LMO1: variants seen among roughly 807,000 people sequenced by gnomAD.
LMO1 encodes LIM domain only 1.
LMO1 carries 10 observed loss-of-function variants against 18.0 expected under a neutral mutation model. The ratio of observed to expected loss-of-function variants is 0.55; its 90% confidence interval spans 0.34 to 0.94. The LOEUF (loss-of-function observed/expected upper bound fraction) is 0.94, where lower values mean the gene tolerates loss of function less well. Among genes scored for constraint, LMO1 ranks in the 40% least tolerant of loss-of-function variants. The pLI, the probability that LMO1 is intolerant of heterozygous loss-of-function variation, is 0.02. For missense variants in LMO1, 183 were observed against 205.7 expected, an observed-to-expected ratio of 0.89 and a Z score of 0.68; for synonymous variants, 77 against 77.9, an observed-to-expected ratio of 0.99 and a Z score of 0.06.
At chr11:8,231,334 C>T (rs886226292) in intron 1 of LMO1, among the ~76,000 whole-genome samples, 5 of 152,260 alleles carry the variant, frequency 3.3e-5, no homozygotes, top group Non-Finnish European at 5.9e-5. Flanking sequence ...AGCCTCCCGT[C>T]GCGGCAGGCG....
chr11:8,268,493 G>A, upstream of LMO1: 1 of 1,369,484 alleles, frequency 7.3e-7, no homozygotes. Context: ...ATACGGAGGG[G>A]CGCGTGGCTC....
At position 8,263,445 on chromosome 11, in the gene LMO1, G is replaced by A; in HGVS notation, c.-83C>T. ...GGGGCGCGCTTTGGAGGGGCGGCCGGTCTTCGGGCAGCTAGCGGGCTCTAA... is the reference window on the plus strand; with the variant it reads ...GGGGCGCGCTTTGGAGGGGCGGCCGATCTTCGGGCAGCTAGCGGGCTCTAA... On this transcript the variant is annotated 5_prime_UTR_variant, in exon 1 of 4. Transcript: ENST00000335790. 6.3e-7 allele frequency: 1 copy of A among 1,574,824 alleles called. No homozygotes were observed.
chr11:8,224,460 G>T lies in LMO1; in HGVS notation c.*156C>A. 7 of 606,408 alleles carry T rather than the reference G, an allele frequency of 1.2e-5. No individual in the cohort carries two copies. The highest frequency in any genetic ancestry group is 2.1e-5 in the Non-Finnish European group (7 of 339,476). 37.6% of individuals were successfully genotyped at this position (606,408 alleles called of 1,614,324 possible). ...TCACACACAGACGGGCGGTGGTGGA[G>T]GAGGAAGGGCCATCCCTCCCATCGA... On this transcript the variant is annotated 3_prime_UTR_variant, in exon 4 of 4. Transcript: ENST00000335790.
intron 1 of LMO1, among the ~76,000 whole-genome samples, chr11:8,253,250 C>G (rs1847035055): frequency 6.6e-6 from 1 of 152,220 alleles, no homozygotes; most frequent in Non-Finnish European, 1.5e-5. Context: ...GCTGGGAACT[C>G]CAGGCCTGTC....
chr11:8,243,851 AG>A (rs1846840680), intron 1 of LMO1, among the ~76,000 whole-genome samples: 1 of 152,222 alleles, frequency 6.6e-6, no homozygotes, highest in South Asian at 2.1e-4. Context: ...CTTCGGCTGC[AG>A]CCCCCCACTC....
At chr11:8,253,090 G>T (rs987894518) in intron 1 of LMO1, among the ~76,000 whole-genome samples, 1 of 152,208 alleles carries the variant, frequency 6.6e-6, no homozygotes, top group Non-Finnish European at 1.5e-5. Context: ...GTGTTTCGAG[G>T]AGAGGAGCCC....
chr11:8,242,030 C>A (rs1363760236), intron 1 of LMO1, among the ~76,000 whole-genome samples: 2 of 151,796 alleles, frequency 1.3e-5, no homozygotes, highest in Non-Finnish European at 2.9e-5. Context: ...ATAGGCAGGG[C>A]CCCTAGAGAT....
At chr11:8,250,222 G>A (rs1023634786) in intron 1 of LMO1, among the ~76,000 whole-genome samples, 4 of 152,124 alleles carry the variant, frequency 2.6e-5, no homozygotes, top group Non-Finnish European at 5.9e-5. Flanking sequence ...TGTTTCCTGA[G>A]CCAACTTCTG....
chr11:8,244,855 C>T (rs1157254662), intron 1 of LMO1, among the ~76,000 whole-genome samples: 1 of 152,174 alleles, frequency 6.6e-6, no homozygotes, highest in African/African-American at 2.4e-5. Context: ...AGGGGACTCT[C>T]CACCTTCTGC....
rs1313926217 is a variant in LMO1 at position 8,227,096 on chromosome 11, A to G, written c.244T>C (p.Phe82Leu). ...ILCRRDYLRL[F>L]GTTGNCAACS... The stretch of plus-strand genomic sequence containing the variant: ...GCAGCACAGTTCCCTGTGGTGCCAA[A>G]GAGCCTGCCGAGGGAAGGGCGCAGA... The change falls in exon 3 of 4, where the codon TTT becomes CTT. Residue 82 changes from phenylalanine (F) to leucine (L), a missense_variant. Phe to Leu is a conservative substitution (Grantham distance 22). Transcript: ENST00000335790. The G allele has an allele frequency of 1.2e-6, 2 of 1,613,062 alleles. No homozygotes were observed. Among genetic ancestry groups the G allele is most frequent in the South Asian group, 2.2e-5 (2 of 91,038 alleles).
chr11:8,242,387 A>G (rs897554989), intron 1 of LMO1, among the ~76,000 whole-genome samples: 3 of 152,150 alleles, frequency 2.0e-5, no homozygotes, highest in African/African-American at 7.2e-5. Flanking sequence ...GCACAGACCT[A>G]GCCTCCCCAG....
At chr11:8,256,790 G>C (rs1164194292) in intron 1 of LMO1, among the ~76,000 whole-genome samples, 1 of 152,242 alleles carries the variant, frequency 6.6e-6, no homozygotes, top group Non-Finnish European at 1.5e-5. Context: ...GGCAAATGCT[G>C]AGTCTTCATG....
chr11:8,254,828 G>C (rs1847062939), intron 1 of LMO1, among the ~76,000 whole-genome samples: 2 of 152,222 alleles, frequency 1.3e-5, no homozygotes, highest in Non-Finnish European at 2.9e-5. Flanking sequence ...CACTGACTCT[G>C]CAGTCAGCCT....
chr11:8,243,951 C>CTGGT (rs1407243416), intron 1 of LMO1, among the ~76,000 whole-genome samples: 1 of 152,206 alleles, frequency 6.6e-6, no homozygotes, highest in African/African-American at 2.4e-5. Context: ...GGTGGGGAAG[C>CTGGT]TGGTCTATGA....
At chr11:8,237,823 GCC>G (rs1952788062) in intron 1 of LMO1, among the ~76,000 whole-genome samples, 1 of 152,248 alleles carries the variant, frequency 6.6e-6, no homozygotes, top group African/African-American at 2.4e-5. Context: ...GGTAGTGTAG[GCC>G]CTGAGACTGT....
rs1307987707 is a variant in LMO1 at position 8,263,635 on chromosome 11, G to C, written c.-273C>G. 6.7e-6 allele frequency: 9 copies of C among 1,341,200 alleles called. No homozygotes were observed. Among genetic ancestry groups the C allele is most frequent in the Non-Finnish European group, 8.6e-6 (9 of 1,050,808 alleles). The allele number at this position is 1,341,200 out of a possible 1,614,324, so 83.1% of individuals were successfully genotyped here. A position where few individuals can be genotyped will look rare whatever the true frequency, so the allele number is the denominator to read the frequency against. ...GAGAGAGGGAGAGGGAGAGAGAAGG[G>C]GGAAAAGAGGATCAGAGCCGTTTCT... is the stretch of plus-strand genomic sequence containing the variant. On this transcript the variant is annotated 5_prime_UTR_variant, in exon 1 of 4. Coordinates refer to ENST00000335790, the MANE Select transcript of LMO1 (RefSeq NM_002315.3).
Position 8,263,550 on chromosome 11 carries a change from A to AAGCAGTCTCACCTAC in LMO1, c.-203_-189dup. The AAGCAGTCTCACCTAC allele has an allele frequency of 7.3e-7, 1 of 1,362,042 alleles. No homozygotes were observed. The highest frequency in any genetic ancestry group is 1.8e-5 in the South Asian group (1 of 57,028). The allele number at this position is 1,362,042 out of a possible 1,614,324, so 84.4% of individuals were successfully genotyped here. On this transcript the variant is annotated 5_prime_UTR_variant, in exon 1 of 4. Coordinates refer to ENST00000335790, the MANE Select transcript of LMO1 (RefSeq NM_002315.3). ...GGAGTGAAGCACTTCGCAGATACAA[A>AAGCAGTCTCACCTAC]AGCAGTCTCACCTACTTTTGTGCCT...
At chr11:8,225,769 A>G (rs1200860984) in intron 3 of LMO1, among the ~76,000 whole-genome samples, 1 of 152,168 alleles carries the variant, frequency 6.6e-6, no homozygotes, top group African/African-American at 2.4e-5. Flanking sequence ...TGGCGCTGTA[A>G]GTTCACTGAG....
chr11:8,226,136 T>G (rs914226873), intron 3 of LMO1, among the ~76,000 whole-genome samples: 3 of 152,106 alleles, frequency 2.0e-5, no homozygotes, highest in African/African-American at 7.2e-5. Flanking sequence ...TGCACACACA[T>G]GCACATACTA....
Sources: allele counts gnomAD v4.1 joint callset (sites outside exome capture counted in the v4.1 genomes callset), GRCh38; gene constraint gnomAD v4.1.1; transcripts MANE v1.5; gene names NCBI Gene and HGNC (gene_info 2026-07-23, HGNC 2026-07-21).